Variants in SLC3A1 observed in about 807,000 individuals in gnomAD.
The protein encoded by SLC3A1 is amino acid transporter heavy chain SLC3A1.
A neutral mutation model predicts 60.3 loss-of-function variants in SLC3A1; 78 were observed. The ratio of observed to expected loss-of-function variants is 1.29; its 90% CI spans 1.08 to 1.56. The LOEUF (loss-of-function observed/expected upper bound fraction) is 1.56, where lower values mean the gene tolerates loss of function less well. Among genes scored for constraint, SLC3A1 ranks in the 40% most tolerant of loss-of-function variants. The probability of loss-of-function intolerance (pLI) is 0.00; values close to 1 mark genes in which losing one functional copy is unlikely to be tolerated. For synonymous variants in SLC3A1, 392 were observed against 307.9 expected, an observed-to-expected ratio of 1.27 and a Z score of -2.86; for missense variants, 1,172 against 858.9, an observed-to-expected ratio of 1.36 and a Z score of -4.56.
chr2:44,285,968 A>G, intron 3 of SLC3A1, 64 bp from the exon 4 acceptor site: 2 of 1,590,766 alleles, frequency 1.3e-6, no homozygotes, highest in Non-Finnish European at 1.7e-6. Context: ...AGGGAGGGCA[A>G]TGATCTTTAT....
chr2:44,317,797 C>T (rs72802994), intron 9 of SLC3A1: 1,913 of 157,182 alleles, frequency 0.012, 26 homozygotes, highest in Non-Finnish European at 0.018. Flanking sequence ...AGTATAACTA[C>T]AAATAAAATA....
chr2:44,290,142 C>A (rs566519292), intron 4 of SLC3A1, among the ~76,000 whole-genome samples: 1 of 83,218 alleles, frequency 1.2e-5, no homozygotes, highest in African/African-American at 5.0e-5. Flanking sequence ...TTTTTTTTTG[C>A]ATGTGGCTAT....
chr2:44,284,162 C>G (rs1199529006), intron 3 of SLC3A1, among the ~76,000 whole-genome samples: 1 of 152,158 alleles, frequency 6.6e-6, no homozygotes, highest in East Asian at 1.9e-4. Flanking sequence ...TCACTGCAAC[C>G]TCTGCCTCCT....
chr2:44,304,098 C>T (rs752584783), intron 6 of SLC3A1, 45 bp from the exon 7 acceptor site: 2 of 1,521,728 alleles, frequency 1.3e-6, no homozygotes, highest in Non-Finnish European at 1.8e-6. Context: ...CCTTCCCAGT[C>T]TTCTGACAGG....
At chr2:44,282,105 C>G (rs1260331500) in intron 3 of SLC3A1, among the ~76,000 whole-genome samples, 1 of 152,140 alleles carries the variant, frequency 6.6e-6, no homozygotes, top group East Asian at 1.9e-4. Context: ...CTCCTGACCT[C>G]AGGTGATCCA....
rs1354090423 is a variant in SLC3A1, at chr2:44,301,423, G to A, written c.1136+296G>A. On this transcript the variant is annotated intron_variant, in intron 6 of 9. Transcript: ENST00000260649. ...ATTATATTAGCTAAATGTTAGCCAT[G>A]AGCTATTATTTTTTCTTTTTCAAAA... is the stretch of plus-strand genomic sequence containing the variant. The A allele has an allele frequency of 1.4e-5, 8 of 589,658 alleles. No homozygotes were observed. The Admixed American group carries it at 1.5e-4, about 11-fold the overall frequency. The allele number at this position is 589,658 out of a possible 1,614,324, so 36.5% of individuals were successfully genotyped here. A position where few individuals can be genotyped will look rare whatever the true frequency, so the allele number is the denominator to read the frequency against.
At chr2:44,304,562 C>T (rs961412527) in intron 7 of SLC3A1, among the ~76,000 whole-genome samples, 12 of 152,156 alleles carry the variant, frequency 7.9e-5, no homozygotes, top group African/African-American at 2.9e-4. Flanking sequence ...CTTGTCTATG[C>T]TCAGAACACT....
chr2:44,285,879 T>G, intron 3 of SLC3A1, 153 bp from the exon 4 acceptor site: 1 of 939,138 alleles, frequency 1.1e-6, no homozygotes, highest in Non-Finnish European at 1.7e-6. Flanking sequence ...TGGGGGGTAT[T>G]TGGAAGGGGT....
At chr2:44,314,300 G>A (rs1009398392) in intron 9 of SLC3A1, 7 of 528,496 alleles carry the variant, frequency 1.3e-5, no homozygotes, top group South Asian at 2.3e-5. Flanking sequence ...GGAGAGAGGC[G>A]AGTGGATAGG....
intron 1 of SLC3A1, among the ~76,000 whole-genome samples, chr2:44,276,557 A>G (rs1400473504): frequency 6.6e-6 from 1 of 152,186 alleles, no homozygotes; most frequent in African/African-American, 2.4e-5. Flanking sequence ...TGTCCGTATT[A>G]GTATAAAACA....
chr2:44,302,701 A>T (rs80028110), intron 6 of SLC3A1, among the ~76,000 whole-genome samples: 1 of 152,372 alleles, frequency 6.6e-6, no homozygotes, highest in East Asian at 1.9e-4. Flanking sequence ...ATAATAAGGC[A>T]AGATGTTATA....
At chr2:44,285,554 A>G (rs561135076) in intron 3 of SLC3A1, 5 of 404,350 alleles carry the variant, frequency 1.2e-5, no homozygotes, top group African/African-American at 6.3e-5. Context: ...ATTCTTGGAG[A>G]CTGGTAGAGA....
chr2:44,317,132 C>T (rs1044214609), intron 9 of SLC3A1, among the ~76,000 whole-genome samples: 1 of 152,062 alleles, frequency 6.6e-6, no homozygotes, highest in Non-Finnish European at 1.5e-5. Flanking sequence ...GTTCAGTAGC[C>T]ATTAACCACT....
In SLC3A1 at chr2:44,313,909, C is replaced by T. The variant is rs1318858518; in HGVS notation, c.1575C>T (p.Thr525=). ...CTGGTTTTTCTGAAGCTAGTAACAC[C>T]TGGTTACCTACCAATTCAGATTACC... ...SNAGFSEASN[T]WLPTNSDYHT... The change falls in exon 9 of 10, where the codon ACC becomes ACT. Residue 525 remains threonine, a synonymous_variant. Coordinates refer to ENST00000260649, the MANE Select transcript of SLC3A1 (RefSeq NM_000341.4). 6.2e-7 allele frequency: 1 copy of T among 1,614,054 alleles called. No homozygotes were observed. Among genetic ancestry groups the T allele is most frequent in the South Asian group, 1.1e-5 (1 of 91,080 alleles).
chr2:44,288,705 G>A (rs1284622371), intron 4 of SLC3A1, among the ~76,000 whole-genome samples: 1 of 152,160 alleles, frequency 6.6e-6, no homozygotes, highest in African/African-American at 2.4e-5. Flanking sequence ...GGTATGAAGT[G>A]GCATCTCACT....
intron 7 of SLC3A1, among the ~76,000 whole-genome samples, chr2:44,309,094 A>G (rs1279930813): frequency 6.6e-6 from 1 of 152,224 alleles, no homozygotes; most frequent in African/African-American, 2.4e-5. Flanking sequence ...TTAAACATTC[A>G]AAAGTGTGTA....
chr2:44,320,098 A>G (rs1672795905), intron 9 of SLC3A1, 101 bp from the exon 10 acceptor site: 1 of 1,036,078 alleles, frequency 9.7e-7, no homozygotes. Context: ...GCAAAATTGG[A>G]GCAAGTGTTT....
chr2:44,313,138 ACTTATTT>A (rs1259775356), intron 8 of SLC3A1, among the ~76,000 whole-genome samples: 4 of 152,046 alleles, frequency 2.6e-5, no homozygotes, highest in African/African-American at 9.7e-5. Context: ...AGTTAGGAAC[ACTTATTT>A]CTTTAGTTCT....
chr2:44,321,368 G>T lies in SLC3A1; in HGVS notation c.*729G>T, dbSNP rs759556547. On this transcript the variant is annotated 3_prime_UTR_variant, in exon 10 of 10. Coordinates refer to ENST00000260649, the MANE Select transcript of SLC3A1 (RefSeq NM_000341.4). ...TGAATGCAGTGTTTCAGAATTTCAG[G>T]TATTTCTTAAGATCCTCGAAAACAC... 1 of 1,606,092 alleles carries T rather than the reference G, an allele frequency of 6.2e-7. No homozygotes were observed. Among genetic ancestry groups the T allele is most frequent in the African/African-American group, 1.3e-5 (1 of 74,762 alleles).
Sources: allele counts gnomAD v4.1 joint callset (sites outside exome capture counted in the v4.1 genomes callset), GRCh38; gene constraint gnomAD v4.1.1; transcripts MANE v1.5; gene names NCBI Gene and HGNC (gene_info 2026-07-23, HGNC 2026-07-21).